HS3ST2: variants seen among roughly 807,000 people sequenced by gnomAD.
HS3ST2 encodes the protein heparan sulfate-glucosamine 3-sulfotransferase 2.
In HS3ST2, 17 loss-of-function variants were observed where a neutral mutation model predicts 26.3. The observed-to-expected ratio is 0.65, with a 90% CI of 0.44 to 0.97. The LOEUF is 0.97. Ranked by LOEUF, HS3ST2 falls within the 50% of genes least tolerant of loss-of-function variation. HS3ST2 has a pLI of 0.00. For synonymous variants in HS3ST2, 237 were observed against 219.2 expected, an observed-to-expected ratio of 1.08 and a Z score of -0.72; for missense variants, 402 against 501.2, an observed-to-expected ratio of 0.80 and a Z score of 1.89.
At chr16:22,873,256 G>A (rs995998251) in intron 1 of HS3ST2, among the ~76,000 whole-genome samples, 7 of 152,192 alleles carry the variant, frequency 4.6e-5, no homozygotes, top group African/African-American at 1.7e-4. Flanking sequence ...CCACTTCTCT[G>A]AGCCTCACCT....
chr16:22,832,360 C>G (rs1370825562), intron 1 of HS3ST2, among the ~76,000 whole-genome samples: 1 of 152,026 alleles, frequency 6.6e-6, no homozygotes, highest in African/African-American at 2.4e-5. Context: ...AACTCAGCAG[C>G]TGGTGAGCAT....
intron 1 of HS3ST2, among the ~76,000 whole-genome samples, chr16:22,911,607 T>G (rs1395666643): frequency 6.6e-6 from 1 of 152,244 alleles, no homozygotes; most frequent in Non-Finnish European, 1.5e-5. Flanking sequence ...TTCCGGTGGC[T>G]GCTGGTGGCA....
chr16:22,852,774 A>G (rs929587253), intron 1 of HS3ST2, among the ~76,000 whole-genome samples: 4 of 152,302 alleles, frequency 2.6e-5, no homozygotes, highest in Non-Finnish European at 5.9e-5. Context: ...TAAGGACCAC[A>G]TACCCTTGAT....
chr16:22,823,731 A>G (rs378251), intron 1 of HS3ST2, among the ~76,000 whole-genome samples: 21,701 of 151,996 alleles, frequency 0.14, 1,676 homozygotes, highest in East Asian at 0.22. Flanking sequence ...AGGCTGCAAT[A>G]AGCTATAATT....
intron 1 of HS3ST2, among the ~76,000 whole-genome samples, chr16:22,841,495 G>T (rs1431349403): frequency 6.6e-6 from 1 of 152,106 alleles, no homozygotes; most frequent in Non-Finnish European, 1.5e-5. Context: ...TCCTTTAGTG[G>T]TTATTCTTAC....
Position 22,893,575 on chromosome 16 carries a change from A to T in HS3ST2, c.486-21369A>T, listed in dbSNP as rs934333783. Reference sequence around the variant, plus strand: ...CTGCACTGAATTATAACTGGATTAGACGCAATGGTATTGATCTTGGTGGGA... The same window carrying T: ...CTGCACTGAATTATAACTGGATTAGTCGCAATGGTATTGATCTTGGTGGGA... On this transcript the variant is annotated intron_variant, in intron 1 of 1. Transcript: ENST00000261374. 2.0e-4 allele frequency among the ~76,000 whole-genome samples: 29 copies of T among 146,594 alleles called. 1 individual carries two copies. The highest frequency in any genetic ancestry group is 3.6e-3 in the Middle Eastern group (1 of 278).
At chr16:22,909,101 C>G (rs996782450) in intron 1 of HS3ST2, among the ~76,000 whole-genome samples, 2 of 152,170 alleles carry the variant, frequency 1.3e-5, no homozygotes, top group Non-Finnish European at 1.5e-5. Flanking sequence ...GAATTTCAAT[C>G]TTTATGACAC....
chr16:22,858,306 A>G (rs1006580060), intron 1 of HS3ST2, among the ~76,000 whole-genome samples: 2 of 151,034 alleles, frequency 1.3e-5, no homozygotes, highest in South Asian at 2.1e-4. Flanking sequence ...CATATAACCC[A>G]TAAATATATA....
chr16:22,840,038 T>C (rs1901329640), intron 1 of HS3ST2, among the ~76,000 whole-genome samples: 1 of 152,260 alleles, frequency 6.6e-6, no homozygotes, highest in Admixed American at 6.5e-5. Context: ...AATGATAATG[T>C]GGCTAATGTT....
At chr16:22,912,917 G>A (rs928960167) in intron 1 of HS3ST2, among the ~76,000 whole-genome samples, 4 of 151,950 alleles carry the variant, frequency 2.6e-5, no homozygotes, top group Admixed American at 2.0e-4. Context: ...TTGGTCCTGT[G>A]TCCAAGCAAG....
At chr16:22,861,904 C>G (rs1166436459) in intron 1 of HS3ST2, among the ~76,000 whole-genome samples, 1 of 152,226 alleles carries the variant, frequency 6.6e-6, no homozygotes, top group Non-Finnish European at 1.5e-5. Flanking sequence ...TCAGCCTCCT[C>G]TCATCATTCA....
At position 22,843,349 on chromosome 16, in the gene HS3ST2, C is replaced by G. The variant is rs1222879511; in HGVS notation, c.485+28254C>G. Among the ~76,000 whole-genome samples, 4 of 152,306 alleles carry G rather than the reference C, an allele frequency of 2.6e-5. 1 individual carries two copies. The Middle Eastern group carries it at 0.014, about 518-fold the overall frequency. ...TCTGACATTATCTACCCAGAAACAG[C>G]GTCAGATCCCACGGGTTGAGGACTC... On this transcript the variant is annotated intron_variant, in intron 1 of 1. Transcript: ENST00000261374.
intron 1 of HS3ST2, among the ~76,000 whole-genome samples, chr16:22,868,795 G>A (rs1901792964): frequency 1.3e-5 from 2 of 152,094 alleles, no homozygotes; most frequent in African/African-American, 4.8e-5. Flanking sequence ...TCTCTTGCCA[G>A]ATTTATTCAG....
At chr16:22,839,253 C>T (rs1172716693) in intron 1 of HS3ST2, among the ~76,000 whole-genome samples, 1 of 152,198 alleles carries the variant, frequency 6.6e-6, no homozygotes, top group African/African-American at 2.4e-5. Flanking sequence ...CAGGACTCAG[C>T]AAGGCTCACA....
At chr16:22,817,291 C>G (rs773007474) in intron 1 of HS3ST2, among the ~76,000 whole-genome samples, 1 of 152,032 alleles carries the variant, frequency 6.6e-6, no homozygotes, top group Non-Finnish European at 1.5e-5. Flanking sequence ...CGTAATTGCC[C>G]TCTCCCCATT....
At chr16:22,823,684 G>C (rs2141175369) in intron 1 of HS3ST2, among the ~76,000 whole-genome samples, 1 of 152,088 alleles carries the variant, frequency 6.6e-6, no homozygotes, top group Non-Finnish European at 1.5e-5. Flanking sequence ...CTACTTGGGA[G>C]GCTGACATGG....
chr16:22,893,689 A>G (rs889315754), intron 1 of HS3ST2, among the ~76,000 whole-genome samples: 15 of 145,174 alleles, frequency 1.0e-4, no homozygotes, highest in African/African-American at 1.5e-4. Context: ...GCTCAAAGCC[A>G]TCATTCTTAG....
At chr16:22,910,671 C>T (rs990681154) in intron 1 of HS3ST2, among the ~76,000 whole-genome samples, 1 of 152,076 alleles carries the variant, frequency 6.6e-6, no homozygotes, top group Admixed American at 6.6e-5. Context: ...CTAATAAATA[C>T]GATTTCAACT....
chr16:22,829,393 G>T (rs560487457), intron 1 of HS3ST2, among the ~76,000 whole-genome samples: 5 of 152,156 alleles, frequency 3.3e-5, no homozygotes, highest in African/African-American at 4.8e-5. Flanking sequence ...GTAGGGTATT[G>T]ATTGTCCCAT....
Sources: gnomAD v4.1 joint callset for allele counts (sites outside exome capture counted in the v4.1 genomes callset) on GRCh38, gnomAD v4.1.1 for gene constraint, MANE v1.5 for transcripts, NCBI Gene and HGNC (gene_info 2026-07-23, HGNC 2026-07-21) for gene names.